RBFOX1: variants seen among roughly 807,000 people sequenced by gnomAD.
RBFOX1 encodes RNA binding protein fox-1 homolog 1.
A neutral mutation model predicts 57.7 loss-of-function variants in RBFOX1; 8 were observed. That is an observed-to-expected ratio of 0.14 (90% confidence interval 0.08 to 0.25). The LOEUF is 0.25. RBFOX1 is among the 10% of genes least tolerant of loss of function. The probability of loss-of-function intolerance (pLI) is 1.00; values close to 1 mark genes in which losing one functional copy is unlikely to be tolerated. For synonymous variants in RBFOX1, 326 were observed against 222.4 expected, an observed-to-expected ratio of 1.47 and a Z score of -4.15; for missense variants, 611 against 548.5, an observed-to-expected ratio of 1.11 and a Z score of -1.14.
chr16:5,485,368 AG>A (rs2069696152), intron 2 of RBFOX1, among the ~76,000 whole-genome samples: 3 of 148,638 alleles, frequency 2.0e-5, no homozygotes, highest in South Asian at 2.1e-4. Flanking sequence ...AAAAAAAAAA[AG>A]TGAATAAGTT....
chr16:5,346,187 G>C (rs547941893), intron 1 of RBFOX1, among the ~76,000 whole-genome samples: 1 of 152,036 alleles, frequency 6.6e-6, no homozygotes, highest in Non-Finnish European at 1.5e-5. Context: ...ATCCTACAGC[G>C]GACCCTTACT....
intron 1 of RBFOX1, among the ~76,000 whole-genome samples, chr16:5,304,911 T>A (rs1345215712): frequency 6.6e-6 from 1 of 152,230 alleles, no homozygotes; most frequent in Non-Finnish European, 1.5e-5. Flanking sequence ...AACCTCTTCA[T>A]GACATTACTG....
At chr16:7,702,848 TTTTTCATTTGG>T (rs375196255) in intron 14 of RBFOX1, among the ~76,000 whole-genome samples, 128 of 152,326 alleles carry the variant, frequency 8.4e-4, no homozygotes, top group African/African-American at 2.8e-3. Flanking sequence ...ACATCATTTA[TTTTTCATTTGG>T]AAAAGTCCTC....
chr16:5,512,079 G>A (rs1440681837), intron 2 of RBFOX1, among the ~76,000 whole-genome samples: 1 of 152,232 alleles, frequency 6.6e-6, no homozygotes, highest in East Asian at 1.9e-4. Flanking sequence ...TGGCAATGGG[G>A]TGATATGTCT....
intron 4 of RBFOX1, among the ~76,000 whole-genome samples, chr16:7,177,939 A>C (rs1326119374): frequency 1.3e-5 from 2 of 152,232 alleles, no homozygotes; most frequent in African/African-American, 4.8e-5. Context: ...AGGTGTGCTC[A>C]GAAGATCAAC....
intron 3 of RBFOX1, among the ~76,000 whole-genome samples, chr16:6,668,759 T>A (rs577135529): frequency 6.6e-6 from 1 of 152,256 alleles, no homozygotes; most frequent in Non-Finnish European, 1.5e-5. Flanking sequence ...TACATTTTAA[T>A]ATCATTATTT....
chr16:7,319,246 C>G (rs186865894), intron 4 of RBFOX1, among the ~76,000 whole-genome samples: 36 of 152,240 alleles, frequency 2.4e-4, no homozygotes, highest in Non-Finnish European at 3.8e-4. Flanking sequence ...CTGTGAATTT[C>G]CACGTTGAGC....
chr16:6,285,142 A>G (rs1361794356), intron 1 of RBFOX1, among the ~76,000 whole-genome samples: 1 of 152,150 alleles, frequency 6.6e-6, no homozygotes, highest in Admixed American at 6.5e-5. Flanking sequence ...AATGGCTAAA[A>G]GTATGGAAGA....
chr16:7,106,521 C>T (rs1205425913), intron 4 of RBFOX1, among the ~76,000 whole-genome samples: 4 of 152,142 alleles, frequency 2.6e-5, no homozygotes, highest in Non-Finnish European at 5.9e-5. Flanking sequence ...TAATTCTGCA[C>T]TACTTGTTGC....
chr16:6,789,775 C>T (rs1206100682), intron 3 of RBFOX1, among the ~76,000 whole-genome samples: 1 of 152,042 alleles, frequency 6.6e-6, no homozygotes, highest in Non-Finnish European at 1.5e-5. Flanking sequence ...TTTAAAAAAT[C>T]TTCTGTTTGA....
chr16:6,876,230 C>G (rs2153293472), intron 3 of RBFOX1, among the ~76,000 whole-genome samples: 1 of 152,108 alleles, frequency 6.6e-6, no homozygotes, highest in South Asian at 2.1e-4. Flanking sequence ...GCAACACAAT[C>G]CATCTTAGAT....
intron 1 of RBFOX1, among the ~76,000 whole-genome samples, chr16:5,374,130 G>A (rs2065928357): frequency 6.6e-6 from 1 of 152,216 alleles, no homozygotes; most frequent in Non-Finnish European, 1.5e-5. Flanking sequence ...TAGAGACAGG[G>A]TTTCACCATG....
intron 1 of RBFOX1, among the ~76,000 whole-genome samples, chr16:5,322,596 C>G (rs1013151820): frequency 6.6e-6 from 1 of 152,142 alleles, no homozygotes; most frequent in African/African-American, 2.4e-5. Flanking sequence ...CTTGCTCAAG[C>G]CCTTTTGTTC....
At chr16:5,937,432 GTTT>G (rs2059189275) in intron 4 of RBFOX1, among the ~76,000 whole-genome samples, 1 of 152,048 alleles carries the variant, frequency 6.6e-6, no homozygotes, top group Non-Finnish European at 1.5e-5. Context: ...AGTGACACAC[GTTT>G]ATTTCTGTTT....
intron 1 of RBFOX1, among the ~76,000 whole-genome samples, chr16:6,130,333 A>G (rs76190040): frequency 1.3e-3 from 194 of 152,258 alleles, no homozygotes; most frequent in African/African-American, 4.5e-3. Context: ...TGAACTGTAA[A>G]AAGATTCTGA....
chr16:5,256,747 C>G (rs1374876036), intron 1 of RBFOX1, among the ~76,000 whole-genome samples: 1 of 151,872 alleles, frequency 6.6e-6, no homozygotes, highest in Non-Finnish European at 1.5e-5. Context: ...CCAGCCTGGC[C>G]AATATGCGAA....
At chr16:6,420,717 T>A (rs919628946) in intron 2 of RBFOX1, among the ~76,000 whole-genome samples, 5 of 152,204 alleles carry the variant, frequency 3.3e-5, no homozygotes, top group Non-Finnish European at 7.3e-5. Flanking sequence ...ACCATTCACT[T>A]GTACAATTGA....
At chr16:6,709,022 G>A (rs959477054) in intron 3 of RBFOX1, among the ~76,000 whole-genome samples, 7 of 151,144 alleles carry the variant, frequency 4.6e-5, no homozygotes, top group African/African-American at 1.7e-4. Context: ...GTGCCTCTTT[G>A]CTAATTACAC....
At chr16:6,869,012 C>G (rs2060415416) in intron 3 of RBFOX1, among the ~76,000 whole-genome samples, 1 of 152,146 alleles carries the variant, frequency 6.6e-6, no homozygotes, top group African/African-American at 2.4e-5. Context: ...CTACAAAAAA[C>G]AAAAGTTCCA....
Sources: gnomAD v4.1 joint callset for allele counts (sites outside exome capture counted in the v4.1 genomes callset) on GRCh38, gnomAD v4.1.1 for gene constraint, MANE v1.5 for transcripts, NCBI Gene and HGNC (gene_info 2026-07-23, HGNC 2026-07-21) for gene names.